Variants in RUFY1 observed in about 807,000 individuals in gnomAD.
RUFY1 encodes the protein RUN and FYVE domain-containing protein 1.
RUFY1 carries 54 observed loss-of-function variants against 94.6 expected under a neutral mutation model. The observed-to-expected ratio is 0.57, with a 90% CI of 0.46 to 0.72. RUFY1 has a LOEUF of 0.72. RUFY1 is among the 30% of genes least tolerant of loss of function. The pLI is 0.00. For missense variants in RUFY1, 883 were observed against 883.9 expected (o/e 1.00, Z 0.01); for synonymous variants, 396 against 347.3 (o/e 1.14, Z -1.56).
At chr5:179,595,142 A>C (rs967573510) in intron 12 of RUFY1, among the ~76,000 whole-genome samples, 179 bp downstream of exon 12, 3 of 152,072 alleles carry the variant, frequency 2.0e-5, no homozygotes, top group African/African-American at 4.8e-5. Context: ...CAGAAGTTCA[A>C]GAACAGGCTG....
chr5:179,605,825 A>AGTGG, intron 15 of RUFY1, 51 bp from the exon 16 acceptor site: 1 of 1,194,704 alleles, frequency 8.4e-7, no homozygotes, highest in Non-Finnish European at 1.2e-6. Flanking sequence ...TTAGGGATTC[A>AGTGG]GAGCCTCACT....
chr5:179,559,758 A>G, intron 1 of RUFY1: 1 of 1,170,896 alleles, frequency 8.5e-7, no homozygotes, highest in Non-Finnish European at 1.1e-6. Flanking sequence ...TCGCCGTAGC[A>G]ACGCGCGGAG....
At chr5:179,556,654 G>A (rs1762131450) in intron 1 of RUFY1, among the ~76,000 whole-genome samples, 1 of 151,898 alleles carries the variant, frequency 6.6e-6, no homozygotes, top group African/African-American at 2.4e-5. Flanking sequence ...GTGCACGCCA[G>A]CACGCCCAGC....
chr5:179,602,074 C>T (rs1164232259), intron 15 of RUFY1, 88 bp downstream of exon 15: 11 of 1,104,106 alleles, frequency 1.0e-5, no homozygotes, highest in Admixed American at 5.9e-5. Flanking sequence ...CTCCTTTTGG[C>T]GAACGGAGGG....
Position 179,591,868 on chromosome 5 carries a change from A to AT in RUFY1, c.1245+135dup, listed in dbSNP as rs34184454. On this transcript the variant is annotated intron_variant, in intron 10 of 17. Transcript: ENST00000319449. ...AAGTCAGAAGCTGTTCATTAAAAAA[A>AT]TTTTTTTTAAGTCTATGGTTACAAC... The AT allele has an allele frequency of 1.6e-3, 898 of 564,744 alleles. 9 individuals are homozygous for AT. Among genetic ancestry groups the AT allele is most frequent in the African/African-American group, 0.016 (820 of 51,842 alleles). The allele number at this position is 564,744 out of a possible 1,614,324, so 35.0% of individuals were successfully genotyped here. A position where few individuals can be genotyped will look rare whatever the true frequency, so the allele number is the denominator to read the frequency against.
chr5:179,608,702 T>C (rs1767370139), intron 17 of RUFY1: 1 of 882,002 alleles, frequency 1.1e-6, no homozygotes, highest in Non-Finnish European at 1.4e-6. Context: ...CTGAGGTGGG[T>C]GGATCACGAG....
rs1767538084 is a variant in RUFY1, at chr5:179,609,737, C to T, written c.*218C>T. 4.1e-6 allele frequency: 2 copies of T among 484,142 alleles called. No individual in the cohort carries two copies. Among genetic ancestry groups the T allele is most frequent in the Admixed American group, 4.0e-5 (1 of 25,206 alleles). The allele number at this position is 484,142 out of a possible 1,614,324, so 30.0% of individuals were successfully genotyped here. A position where few individuals can be genotyped will look rare whatever the true frequency, so the allele number is the denominator to read the frequency against. ...CCTCTGGATGGAAACTTCCATCTTA[C>T]TTGGTTACATCACGGCTCTGGTTCA... On this transcript the variant is annotated 3_prime_UTR_variant, in exon 18 of 18. Coordinates refer to ENST00000319449, the MANE Select transcript of RUFY1 (RefSeq NM_025158.5).
chr5:179,600,035 A>C (rs1766183441), intron 14 of RUFY1: 1 of 152,250 alleles, frequency 6.6e-6, no homozygotes, highest in Non-Finnish European at 1.5e-5. Context: ...AGGGCAGAAG[A>C]GGACTTTCAG....
intron 7 of RUFY1, 39 bp from the exon 8 acceptor site, chr5:179,585,757 T>C (rs762046183): frequency 2.8e-6 from 4 of 1,434,394 alleles, no homozygotes; most frequent in Non-Finnish European, 3.9e-6. Context: ...AGTCAGCTTG[T>C]ATAAGTTTAT....
At chr5:179,564,119 C>CT (rs59530799) in intron 3 of RUFY1, among the ~76,000 whole-genome samples, 42,486 of 133,370 alleles carry the variant, frequency 0.32, 7,140 homozygotes, top group Non-Finnish European at 0.38. Flanking sequence ...CTGATGTTTT[C>CT]TTTTTTTTTT....
chr5:179,574,064 C>A (rs1763427566), intron 5 of RUFY1, among the ~76,000 whole-genome samples: 1 of 152,016 alleles, frequency 6.6e-6, no homozygotes, highest in Non-Finnish European at 1.5e-5. Context: ...TCTGAATTTT[C>A]TATACTGCCT....
At chr5:179,604,771 CAGG>C (rs1766868331) in intron 15 of RUFY1, among the ~76,000 whole-genome samples, 1 of 152,002 alleles carries the variant, frequency 6.6e-6, no homozygotes, top group African/African-American at 2.4e-5. Context: ...CACTTGAGGT[CAGG>C]AGTTCAAGAC....
At chr5:179,596,763 C>T in intron 13 of RUFY1, 82 bp downstream of exon 13, 1 of 930,432 alleles carries the variant, frequency 1.1e-6, no homozygotes, top group Non-Finnish European at 1.4e-6. Context: ...TATCCTGCTT[C>T]AGCACGAACG....
At chr5:179,607,478 G>T (rs1167173896) in intron 16 of RUFY1, 104 bp from the exon 17 acceptor site, 2 of 901,710 alleles carry the variant, frequency 2.2e-6, no homozygotes, top group Admixed American at 3.6e-5. Flanking sequence ...TGCCTCACTA[G>T]GAAACAGGTG....
At chr5:179,554,935 T>C (rs1220614459) in intron 1 of RUFY1, among the ~76,000 whole-genome samples, 1 of 151,678 alleles carries the variant, frequency 6.6e-6, no homozygotes, top group Non-Finnish European at 1.5e-5. Flanking sequence ...GCCACTGCAC[T>C]CCAGCCTGGG....
intron 5 of RUFY1, among the ~76,000 whole-genome samples, chr5:179,575,022 C>T (rs1355057712): frequency 1.3e-5 from 2 of 150,152 alleles, no homozygotes; most frequent in African/African-American, 2.4e-5. Flanking sequence ...TGAACCTCCT[C>T]TTCTCACCCC....
In RUFY1 at chr5:179,560,261, T is replaced by C. The variant is rs1044902915; in HGVS notation, c.484+63T>C. 20 of 1,559,818 alleles carry C rather than the reference T, an allele frequency of 1.3e-5. No individual in the cohort carries two copies. In the Admixed American group the frequency reaches 3.5e-4, roughly 28 times the overall value. On this transcript the variant is annotated intron_variant, in intron 2 of 17. Transcript: ENST00000319449. ...GGCTGGGTGTTTGCTCAGCATTTTT[T>C]CATCAGCGCCAGACATCCTTCTAGA...
At chr5:179,568,373 G>A (rs1762989404) in intron 4 of RUFY1, among the ~76,000 whole-genome samples, 1 of 152,172 alleles carries the variant, frequency 6.6e-6, no homozygotes. Flanking sequence ...GATTTACGAG[G>A]AAGGACTCTT....
At chr5:179,607,461 G>C (rs1362958994) in intron 16 of RUFY1, 121 bp from the exon 17 acceptor site, 4 of 798,782 alleles carry the variant, frequency 5.0e-6, no homozygotes, top group African/African-American at 1.7e-5. Context: ...ATCTGATGGA[G>C]AAACAGTGCC....
Sources: gnomAD v4.1 joint callset for allele counts (sites outside exome capture counted in the v4.1 genomes callset) on GRCh38, gnomAD v4.1.1 for gene constraint, MANE v1.5 for transcripts, NCBI Gene and HGNC (gene_info 2026-07-23, HGNC 2026-07-21) for gene names.